The following KAZN variants were observed in gnomAD, a reference collection of about 807,000 sequenced individuals.
KAZN encodes kazrin.
A neutral mutation model predicts 87.4 loss-of-function variants in KAZN; 40 were observed. The ratio of observed to expected loss-of-function variants is 0.46; its 90% CI spans 0.36 to 0.60. The LOEUF (loss-of-function observed/expected upper bound fraction) is 0.60, where lower values mean the gene tolerates loss of function less well. Ranked by LOEUF, KAZN falls within the 20% of genes least tolerant of loss-of-function variation. KAZN has a pLI of 0.00. For synonymous variants in KAZN, 466 were observed against 458.3 expected, an observed-to-expected ratio of 1.02 and a Z score of -0.22; for missense variants, 898 against 1,073.9, an observed-to-expected ratio of 0.84 and a Z score of 2.29.
At chr1:14,682,104 C>A (rs1009349650) in intron 1 of KAZN, among the ~76,000 whole-genome samples, 5 of 152,000 alleles carry the variant, frequency 3.3e-5, no homozygotes, top group Admixed American at 1.3e-4. Context: ...AGCAGCTATC[C>A]CCATTAAACA....
intron 1 of KAZN, among the ~76,000 whole-genome samples, chr1:14,957,455 C>T (rs1437973233): frequency 1.3e-5 from 2 of 152,214 alleles, no homozygotes; most frequent in Non-Finnish European, 2.9e-5. Flanking sequence ...GCGCTGAAGA[C>T]CCAACAGTGA....
intron 1 of KAZN, among the ~76,000 whole-genome samples, chr1:14,740,205 A>G (rs528178146): frequency 1.2e-4 from 18 of 152,130 alleles, no homozygotes; most frequent in Non-Finnish European, 2.6e-4. Flanking sequence ...CCTGGAGCTC[A>G]GGGAACCAAC....
intron 1 of KAZN, among the ~76,000 whole-genome samples, chr1:14,841,313 G>A (rs992587396): frequency 6.7e-6 from 1 of 149,488 alleles, no homozygotes; most frequent in Non-Finnish European, 1.5e-5. Context: ...GGCTGAGGCA[G>A]GAGAATGGTG....
At chr1:14,015,460 T>G (rs1451512497) in intron 1 of KAZN, among the ~76,000 whole-genome samples, 1 of 2,000 alleles carries the variant, frequency 5.0e-4, no homozygotes, top group African/African-American at 2.6e-3. Context: ...TTACATCTAC[T>G]TTTTTTTTTT....
intron 1 of KAZN, among the ~76,000 whole-genome samples, chr1:14,672,239 C>A (rs1363776245): frequency 6.6e-6 from 1 of 152,190 alleles, no homozygotes; most frequent in East Asian, 1.9e-4. Context: ...AAGCCCACTC[C>A]GTGCTACACT....
intron 1 of KAZN, among the ~76,000 whole-genome samples, chr1:14,063,256 GT>G (rs1408633645): frequency 6.6e-6 from 1 of 152,180 alleles, no homozygotes; most frequent in Non-Finnish European, 1.5e-5. Context: ...ATATACATCA[GT>G]ATTTCCCAAA....
At chr1:13,944,134 A>G (rs1641045476) in intron 1 of KAZN, among the ~76,000 whole-genome samples, 2 of 151,996 alleles carry the variant, frequency 1.3e-5, no homozygotes, top group African/African-American at 4.9e-5. Flanking sequence ...GTGTTCATTA[A>G]TTGGTGAAAG....
chr1:14,045,943 G>A (rs562587438), intron 1 of KAZN, among the ~76,000 whole-genome samples: 2 of 152,264 alleles, frequency 1.3e-5, no homozygotes, highest in South Asian at 4.1e-4. Context: ...ATATATAACT[G>A]TGAGAAAAGC....
intron 1 of KAZN, among the ~76,000 whole-genome samples, chr1:14,647,495 C>T (rs1046828389): frequency 1.3e-5 from 2 of 152,102 alleles, no homozygotes; most frequent in Admixed American, 1.3e-4. Flanking sequence ...TTTCCTGGAT[C>T]ATCTTAACAT....
intron 2 of KAZN, among the ~76,000 whole-genome samples, chr1:14,546,382 A>C (rs1301965262): frequency 6.6e-6 from 1 of 152,208 alleles, no homozygotes; most frequent in Non-Finnish European, 1.5e-5. Flanking sequence ...ATAGTACTTA[A>C]GAAAAATAAC....
intron 1 of KAZN, among the ~76,000 whole-genome samples, chr1:13,930,380 C>T (rs950530513): frequency 6.6e-6 from 1 of 152,304 alleles, no homozygotes; most frequent in East Asian, 1.9e-4. Flanking sequence ...TACCTGTCGA[C>T]CCACAAATGA....
chr1:14,347,258 T>G (rs962405296), intron 2 of KAZN, among the ~76,000 whole-genome samples: 1 of 152,184 alleles, frequency 6.6e-6, no homozygotes. Context: ...CAGACTACCA[T>G]GAGCATGCTC....
At chr1:14,390,294 A>T (rs1219641427) in intron 2 of KAZN, among the ~76,000 whole-genome samples, 4 of 152,226 alleles carry the variant, frequency 2.6e-5, no homozygotes, top group African/African-American at 9.6e-5. Context: ...CTACTGGAAA[A>T]GACAGAAAAT....
At chr1:14,861,885 A>T (rs554744370) in intron 1 of KAZN, among the ~76,000 whole-genome samples, 11 of 152,202 alleles carry the variant, frequency 7.2e-5, no homozygotes, top group Non-Finnish European at 1.5e-4. Flanking sequence ...CAGGGAACCA[A>T]CCAGAGGGAG....
chr1:14,363,949 A>G (rs1659737978), intron 2 of KAZN, among the ~76,000 whole-genome samples: 1 of 148,006 alleles, frequency 6.8e-6, no homozygotes, highest in Non-Finnish European at 1.5e-5. Flanking sequence ...ATGCCTTATC[A>G]GAGCCTTTAC....
intron 1 of KAZN, among the ~76,000 whole-genome samples, chr1:14,887,695 C>T (rs1654236379): frequency 6.6e-6 from 1 of 150,416 alleles, no homozygotes; most frequent in African/African-American, 2.5e-5. Flanking sequence ...GGTCGTGCTC[C>T]CAGGGAACCG....
chr1:13,974,177 G>A (rs1642230826), intron 1 of KAZN, among the ~76,000 whole-genome samples: 1 of 152,242 alleles, frequency 6.6e-6, no homozygotes. Context: ...TTTAATGGGG[G>A]CTGGTTATGT....
chr1:15,108,024 T>G (rs1375661520), intron 13 of KAZN, among the ~76,000 whole-genome samples: 1 of 152,208 alleles, frequency 6.6e-6, no homozygotes, highest in Non-Finnish European at 1.5e-5. Context: ...CTGGAGTAGC[T>G]GCATAGGAGT....
chr1:14,727,761 G>A (rs1384025642), intron 1 of KAZN, among the ~76,000 whole-genome samples: 3 of 151,438 alleles, frequency 2.0e-5, no homozygotes, highest in Admixed American at 6.6e-5. Flanking sequence ...CCACCGCTTC[G>A]GCTGTGTATT....
Sources: gnomAD v4.1 joint callset for allele counts (sites outside exome capture counted in the v4.1 genomes callset) on GRCh38, gnomAD v4.1.1 for gene constraint, MANE v1.5 for transcripts, NCBI Gene and HGNC (gene_info 2026-07-23, HGNC 2026-07-21) for gene names.